The following ADGRB3 variants were observed in gnomAD, a reference collection of about 807,000 sequenced individuals.
ADGRB3 encodes the protein adhesion G protein-coupled receptor B3.
In ADGRB3, 37 loss-of-function variants were observed where a neutral mutation model predicts 193.4. The ratio of observed to expected loss-of-function variants is 0.19; its 90% CI spans 0.15 to 0.25. The LOEUF is 0.25. Ranked by LOEUF, ADGRB3 falls within the 10% of genes least tolerant of loss-of-function variation. The pLI is 1.00. For synonymous variants in ADGRB3, 690 were observed against 644.2 expected (o/e 1.07, Z -1.08); for missense variants, 1,637 against 1,852.9 (o/e 0.88, Z 2.14).
intron 3 of ADGRB3, among the ~76,000 whole-genome samples, chr6:68,751,526 A>T (rs1331848286): frequency 6.6e-6 from 1 of 152,202 alleles, no homozygotes; most frequent in Non-Finnish European, 1.5e-5. Flanking sequence ...TTTAAAAATT[A>T]TTATTATGCA....
At chr6:68,836,920 A>G (rs1768056979) in intron 3 of ADGRB3, among the ~76,000 whole-genome samples, 1 of 152,188 alleles carries the variant, frequency 6.6e-6, no homozygotes, top group Admixed American at 6.5e-5. Context: ...GTATTTGATA[A>G]TGAATTTAAG....
At chr6:69,211,711 G>A (rs1290926978) in intron 17 of ADGRB3, among the ~76,000 whole-genome samples, 2 of 152,132 alleles carry the variant, frequency 1.3e-5, no homozygotes, top group African/African-American at 2.4e-5. Context: ...GACTTTTACA[G>A]CTATATTCCC....
chr6:68,753,517 G>C (rs945622655), intron 3 of ADGRB3, among the ~76,000 whole-genome samples: 6 of 152,106 alleles, frequency 3.9e-5, no homozygotes, highest in African/African-American at 1.4e-4. Flanking sequence ...ATTTTGGGGA[G>C]TCATGGTCAA....
intron 17 of ADGRB3, among the ~76,000 whole-genome samples, chr6:69,093,620 G>C (rs1234018662): frequency 2.0e-5 from 3 of 150,920 alleles, no homozygotes; most frequent in Admixed American, 1.3e-4. Context: ...AGGTTCAGTG[G>C]GAGATGGGTG....
In ADGRB3 at chr6:69,314,415, A is replaced by G. The variant is rs1423361667; in HGVS notation, c.2815-10457A>G. ...TCATCAGTCATTTTGTATCTCACAT[A>G]ACTTTATATTGACAGTTTCTTCTGT... On this transcript the variant is annotated intron_variant, in intron 20 of 31. Transcript: ENST00000370598. Among the ~76,000 whole-genome samples the G allele has an allele frequency of 7.3e-5, 11 of 151,626 alleles. No individual in the cohort carries two copies. In the Admixed American group the frequency reaches 7.3e-4, roughly 10 times the overall value.
At chr6:69,293,712 C>T (rs1027267839) in intron 20 of ADGRB3, among the ~76,000 whole-genome samples, 4 of 152,048 alleles carry the variant, frequency 2.6e-5, no homozygotes, top group Non-Finnish European at 5.9e-5. Flanking sequence ...CCTTGTGGCT[C>T]TGGGGTTCTG....
At chr6:68,965,938 C>A (rs539721251) in intron 8 of ADGRB3, among the ~76,000 whole-genome samples, 3 of 152,162 alleles carry the variant, frequency 2.0e-5, no homozygotes, top group African/African-American at 2.4e-5. Flanking sequence ...AAATCTCTAT[C>A]TCTAGCTTGT....
At chr6:68,975,188 A>G (rs1180592079) in intron 9 of ADGRB3, 46 bp from the exon 10 acceptor site, 1 of 1,522,734 alleles carries the variant, frequency 6.6e-7, no homozygotes, top group Admixed American at 1.7e-5. Flanking sequence ...TGATGCCTTC[A>G]AACATCCCTA....
At chr6:68,920,537 A>AG (rs1767011552) in intron 3 of ADGRB3, among the ~76,000 whole-genome samples, 2 of 126,572 alleles carry the variant, frequency 1.6e-5, no homozygotes, top group African/African-American at 5.7e-5. Flanking sequence ...AAAAAAAAAA[A>AG]GTCCTAAAAA....
At chr6:69,045,206 T>A (rs1361635613) in intron 13 of ADGRB3, among the ~76,000 whole-genome samples, 1 of 152,162 alleles carries the variant, frequency 6.6e-6, no homozygotes, top group African/African-American at 2.4e-5. Context: ...TAGTGTCTTG[T>A]ACAAGAACTG....
chr6:69,165,403 T>TC (rs34371668), intron 17 of ADGRB3, among the ~76,000 whole-genome samples: 12 of 151,504 alleles, frequency 7.9e-5, no homozygotes, highest in African/African-American at 2.7e-4. Flanking sequence ...GCGGCAGCCA[T>TC]CCCCCCCAAC....
At chr6:69,235,192 A>C in intron 19 of ADGRB3, 57 bp downstream of exon 19, 3 of 1,266,690 alleles carry the variant, frequency 2.4e-6, no homozygotes, top group Non-Finnish European at 3.4e-6. Context: ...TAGTTAAATC[A>C]AGGAATGTGA....
intron 17 of ADGRB3, among the ~76,000 whole-genome samples, chr6:69,171,104 C>A (rs545010763): frequency 1.6e-4 from 24 of 151,524 alleles, no homozygotes; most frequent in African/African-American, 5.6e-4. Context: ...CACATGTAAT[C>A]AGTGTAAAAT....
intron 3 of ADGRB3, among the ~76,000 whole-genome samples, chr6:68,657,988 A>C (rs1486000094): frequency 6.6e-6 from 1 of 151,432 alleles, no homozygotes; most frequent in Non-Finnish European, 1.5e-5. Context: ...TTGAGAATTC[A>C]AATGGAACAA....
In ADGRB3 at chr6:68,845,182, T is replaced by G. The variant is rs1307812526; in HGVS notation, c.758-85377T>G. 2.0e-5 allele frequency among the ~76,000 whole-genome samples: 3 copies of G among 152,210 alleles called. No homozygotes were observed. In the South Asian group the frequency reaches 6.2e-4, roughly 31 times the overall value. On this transcript the variant is annotated intron_variant, in intron 3 of 31. Transcript: ENST00000370598. ...ATCACACTTAGCATGATGTGACTAT[T>G]ATACACTGTATGCCTGTATCAACAT...
intron 13 of ADGRB3, among the ~76,000 whole-genome samples, chr6:69,021,917 T>C (rs1770282532): frequency 6.6e-6 from 1 of 151,896 alleles, no homozygotes. Context: ...AGCATGTTCA[T>C]AGCTTTGATC....
chr6:69,053,785 T>A (rs1771466062), intron 15 of ADGRB3, among the ~76,000 whole-genome samples: 1 of 152,238 alleles, frequency 6.6e-6, no homozygotes, highest in Non-Finnish European at 1.5e-5. Flanking sequence ...AATTTGGCAA[T>A]ACCAAGAGCC....
intron 3 of ADGRB3, among the ~76,000 whole-genome samples, chr6:68,762,176 C>T (rs1766404823): frequency 6.6e-6 from 1 of 151,908 alleles, no homozygotes; most frequent in Non-Finnish European, 1.5e-5. Flanking sequence ...CTCTTTTCTC[C>T]ACCATCTCAT....
At chr6:69,329,642 A>G (rs1220141070) in intron 22 of ADGRB3, among the ~76,000 whole-genome samples, 1 of 152,216 alleles carries the variant, frequency 6.6e-6, no homozygotes, top group East Asian at 1.9e-4. Context: ...CTGTAAGCTG[A>G]GAAGAAATAG....
Sources: gnomAD v4.1 joint callset for allele counts (sites outside exome capture counted in the v4.1 genomes callset) on GRCh38, gnomAD v4.1.1 for gene constraint, MANE v1.5 for transcripts, NCBI Gene and HGNC (gene_info 2026-07-23, HGNC 2026-07-21) for gene names.